TRMT9B: variants seen among roughly 807,000 people sequenced by gnomAD.
TRMT9B encodes probable tRNA methyltransferase 9B.
A neutral mutation model predicts 11.5 loss-of-function variants in TRMT9B; 16 were observed. That is an observed-to-expected ratio of 1.39 (90% CI 0.94 to 2.11). TRMT9B has a LOEUF of 2.11. TRMT9B is among the 30% of genes most tolerant of loss of function. TRMT9B has a pLI of 0.00. For missense variants in TRMT9B, 941 were observed against 553.8 expected (o/e 1.70, Z -7.02); for synonymous variants, 274 against 192.4 (o/e 1.42, Z -3.51).
intron 1 of TRMT9B, among the ~76,000 whole-genome samples, chr8:12,954,798 A>G (rs1215052786): frequency 6.6e-6 from 1 of 152,234 alleles, no homozygotes; most frequent in Non-Finnish European, 1.5e-5. Context: ...AAGAGTTAAC[A>G]TCATTCATTT....
chr8:12,999,701 G>T (rs1040972797), intron 2 of TRMT9B, among the ~76,000 whole-genome samples: 56 of 152,140 alleles, frequency 3.7e-4, no homozygotes, highest in African/African-American at 1.4e-3. Flanking sequence ...TCAGAATCTA[G>T]TAGAAATACT....
chr8:12,995,774 T>G (rs956652830), intron 2 of TRMT9B, among the ~76,000 whole-genome samples: 4 of 152,224 alleles, frequency 2.6e-5, no homozygotes, highest in African/African-American at 9.6e-5. Flanking sequence ...CAAGTCATTG[T>G]TGTCTTAGGT....
At chr8:13,012,610 C>G in intron 3 of TRMT9B, 74 bp from the exon 4 acceptor site, 1 of 1,478,132 alleles carries the variant, frequency 6.8e-7, no homozygotes, top group Non-Finnish European at 9.1e-7. Flanking sequence ...AATTATATTT[C>G]TTGTTATGAG....
At chr8:12,962,452 T>G (rs999328138) in intron 1 of TRMT9B, among the ~76,000 whole-genome samples, 2 of 151,994 alleles carry the variant, frequency 1.3e-5, no homozygotes, top group African/African-American at 2.4e-5. Context: ...TCGTTCTCCT[T>G]AAGATGATGT....
At chr8:12,973,248 C>T (rs890026311) in intron 1 of TRMT9B, among the ~76,000 whole-genome samples, 2 of 152,114 alleles carry the variant, frequency 1.3e-5, no homozygotes, top group Non-Finnish European at 2.9e-5. Flanking sequence ...GGGGAGAAGA[C>T]GTATTTAGGA....
intron 1 of TRMT9B, among the ~76,000 whole-genome samples, chr8:12,980,689 C>T (rs892516817): frequency 1.3e-5 from 2 of 152,110 alleles, no homozygotes; most frequent in Admixed American, 6.5e-5. Context: ...GAGACGAATC[C>T]TACATGGGAC....
At chr8:12,976,527 G>A (rs1804478153) in intron 1 of TRMT9B, among the ~76,000 whole-genome samples, 1 of 151,930 alleles carries the variant, frequency 6.6e-6, no homozygotes, top group Non-Finnish European at 1.5e-5. Context: ...ATCACTTGAG[G>A]TCAGGAGTTT....
chr8:12,987,879 C>G (rs1806606720), intron 1 of TRMT9B, among the ~76,000 whole-genome samples: 1 of 152,132 alleles, frequency 6.6e-6, no homozygotes, highest in African/African-American at 2.4e-5. Flanking sequence ...AGATGTGGCT[C>G]TCTGTGGCTT....
At chr8:13,017,609 G>A (rs1585404453) in intron 4 of TRMT9B, among the ~76,000 whole-genome samples, 1 of 123,060 alleles carries the variant, frequency 8.1e-6, no homozygotes, top group Admixed American at 1.1e-4. Context: ...GTAATCATTT[G>A]TAGGCTTTTT....
intron 2 of TRMT9B, among the ~76,000 whole-genome samples, chr8:13,000,045 C>T (rs1180498663): frequency 2.0e-5 from 3 of 152,036 alleles, no homozygotes; most frequent in East Asian, 3.9e-4. Flanking sequence ...ATGAACTGAG[C>T]TTTTTATTCC....
chr8:13,002,568 T>G (rs1185028327), intron 2 of TRMT9B, among the ~76,000 whole-genome samples: 2 of 152,222 alleles, frequency 1.3e-5, no homozygotes, highest in Non-Finnish European at 2.9e-5. Flanking sequence ...TAGGATTTTT[T>G]GCAGGGGCTG....
At position 12,990,995 on chromosome 8, in the gene TRMT9B, C is replaced by A. The variant is rs966995088; in HGVS notation, c.-38C>A. 4 of 1,280,102 alleles carry A rather than the reference C, an allele frequency of 3.1e-6. No homozygotes were observed. The highest frequency in any genetic ancestry group is 5.6e-5 in the East Asian group (1 of 17,964). 79.3% of individuals were successfully genotyped at this position (1,280,102 alleles called of 1,614,324 possible). On this transcript the variant is annotated 5_prime_UTR_variant, in exon 2 of 5. Transcript: ENST00000524591. ...TGGAGACTGCCGTGATTCACAAAGA[C>A]AAGAGGTAATTTTCCTGTAATCACA... is the stretch of plus-strand genomic sequence containing the variant.
At chr8:12,982,545 G>A (rs971706064) in intron 1 of TRMT9B, among the ~76,000 whole-genome samples, 1 of 151,852 alleles carries the variant, frequency 6.6e-6, no homozygotes, top group Non-Finnish European at 1.5e-5. Flanking sequence ...GCTTGTAATC[G>A]CAGCTACTCG....
chr8:12,974,501 G>A (rs1200880518), intron 1 of TRMT9B, among the ~76,000 whole-genome samples: 1 of 152,144 alleles, frequency 6.6e-6, no homozygotes, highest in South Asian at 2.1e-4. Context: ...TCATTCAAGG[G>A]CAATGGAAGA....
At chr8:12,982,253 G>A (rs894561291) in intron 1 of TRMT9B, among the ~76,000 whole-genome samples, 5 of 150,656 alleles carry the variant, frequency 3.3e-5, no homozygotes, top group Non-Finnish European at 5.9e-5. Context: ...TGATAGGGAA[G>A]GGGCAGGGTT....
At chr8:12,979,930 C>G (rs564397125) in intron 1 of TRMT9B, among the ~76,000 whole-genome samples, 1 of 152,264 alleles carries the variant, frequency 6.6e-6, no homozygotes, top group South Asian at 2.1e-4. Flanking sequence ...CTGAGAAGGA[C>G]AAGGGCCCCT....
At chr8:12,957,563 G>T (rs1005914767) in intron 1 of TRMT9B, among the ~76,000 whole-genome samples, 1 of 152,120 alleles carries the variant, frequency 6.6e-6, no homozygotes, top group African/African-American at 2.4e-5. Flanking sequence ...GATCTAGGGT[G>T]ATCAGATGAC....
chr8:12,998,529 C>A (rs149027432), intron 2 of TRMT9B, among the ~76,000 whole-genome samples: 2 of 152,184 alleles, frequency 1.3e-5, no homozygotes, highest in Non-Finnish European at 2.9e-5. Flanking sequence ...AATGAGAAAT[C>A]CCTTCTGATG....
In TRMT9B at chr8:13,023,604, G is replaced by A. The variant is rs1814283793; in HGVS notation, c.*1560G>A. 6.0e-6 allele frequency: 1 copy of A among 167,052 alleles called. No homozygotes were observed. Among genetic ancestry groups the A allele is most frequent in the African/African-American group, 2.4e-5 (1 of 41,450 alleles). 10.3% of individuals were successfully genotyped at this position (167,052 alleles called of 1,614,324 possible). On this transcript the variant is annotated 3_prime_UTR_variant, in exon 5 of 5. Transcript: ENST00000524591. Reference sequence around the variant, plus strand: ...CTAGAGACAGGAGAAGCAGAAATAAGTTGACCCAGGAGTACAGTCTCAAGT... The same window carrying A: ...CTAGAGACAGGAGAAGCAGAAATAAATTGACCCAGGAGTACAGTCTCAAGT...
Sources: allele counts gnomAD v4.1 joint callset (sites outside exome capture counted in the v4.1 genomes callset), GRCh38; gene constraint gnomAD v4.1.1; transcripts MANE v1.5; gene names NCBI Gene and HGNC (gene_info 2026-07-23, HGNC 2026-07-21).